The following HECW1 variants were observed in gnomAD, a reference collection of about 807,000 sequenced individuals.
HECW1 encodes the protein E3 ubiquitin-protein ligase HECW1.
In HECW1, 61 loss-of-function variants were observed where a neutral mutation model predicts 182.3. That is an observed-to-expected ratio of 0.33 (90% CI 0.27 to 0.41). The LOEUF (loss-of-function observed/expected upper bound fraction) is 0.41, where lower values mean the gene tolerates loss of function less well. Among genes scored for constraint, HECW1 ranks in the 10% least tolerant of loss-of-function variants. The pLI is 1.00. For missense variants in HECW1, 1,739 were observed against 2,108.9 expected, an observed-to-expected ratio of 0.82 and a Z score of 3.44; for synonymous variants, 859 against 832.6, an observed-to-expected ratio of 1.03 and a Z score of -0.55.
chr7:43,242,732 A>G (rs4304246), intron 2 of HECW1, among the ~76,000 whole-genome samples: 61,222 of 151,892 alleles, frequency 0.4, 15,076 homozygotes, highest in African/African-American at 0.7. Flanking sequence ...TTCTCCAAGG[A>G]GGAAGGCAGT....
chr7:43,461,262 C>T (rs1322001034), intron 13 of HECW1, among the ~76,000 whole-genome samples: 1 of 152,214 alleles, frequency 6.6e-6, no homozygotes, highest in African/African-American at 2.4e-5. Context: ...GTGGGCTGGG[C>T]CTCTCAGCCA....
chr7:43,342,430 T>C (rs1426102781), intron 5 of HECW1, among the ~76,000 whole-genome samples: 2 of 151,780 alleles, frequency 1.3e-5, no homozygotes, highest in East Asian at 3.8e-4. Context: ...GACTCAAGGT[T>C]TTATACAATT....
chr7:43,522,390 C>T (rs1462269245), intron 24 of HECW1: 1 of 152,106 alleles, frequency 6.6e-6, no homozygotes, highest in Non-Finnish European at 1.5e-5. Context: ...AGAGAATCTC[C>T]CAGATGCTGT....
chr7:43,304,741 G>A (rs868011910), intron 3 of HECW1, among the ~76,000 whole-genome samples: 1 of 152,116 alleles, frequency 6.6e-6, no homozygotes, highest in Non-Finnish European at 1.5e-5. Context: ...TGATATGCCC[G>A]CCTTGGCCTC....
chr7:43,469,357 G>C (rs1393700660), intron 16 of HECW1, among the ~76,000 whole-genome samples: 1 of 152,176 alleles, frequency 6.6e-6, no homozygotes, highest in Non-Finnish European at 1.5e-5. Context: ...GCCAACTGTT[G>C]TGACATTGCT....
At chr7:43,309,603 C>G (rs1808246161) in intron 3 of HECW1, among the ~76,000 whole-genome samples, 1 of 152,196 alleles carries the variant, frequency 6.6e-6, no homozygotes, top group Non-Finnish European at 1.5e-5. Flanking sequence ...TTATCTTAGG[C>G]TCTTCATCAT....
chr7:43,460,326 G>A (rs1371522999), intron 13 of HECW1, among the ~76,000 whole-genome samples: 4 of 152,178 alleles, frequency 2.6e-5, no homozygotes, highest in African/African-American at 4.8e-5. Context: ...GGTGCTCCTC[G>A]TATTTTGATG....
At chr7:43,240,416 A>T (rs930426409) in intron 2 of HECW1, among the ~76,000 whole-genome samples, 1 of 152,184 alleles carries the variant, frequency 6.6e-6, no homozygotes, top group Non-Finnish European at 1.5e-5. Context: ...AATGATCTTG[A>T]CCTCTTCCTC....
chr7:43,543,685 A>C (rs959328793), intron 26 of HECW1, among the ~76,000 whole-genome samples: 2 of 151,402 alleles, frequency 1.3e-5, no homozygotes, highest in East Asian at 3.9e-4. Context: ...AGGCTGAGAC[A>C]GGAGAATTGC....
chr7:43,371,108 C>T (rs919027154), intron 6 of HECW1, among the ~76,000 whole-genome samples: 8 of 152,000 alleles, frequency 5.3e-5, no homozygotes, highest in African/African-American at 1.2e-4. Flanking sequence ...AGGATGGTCT[C>T]GATCTCCTGA....
At chr7:43,294,694 T>G (rs866297039) in intron 3 of HECW1, among the ~76,000 whole-genome samples, 2 of 152,210 alleles carry the variant, frequency 1.3e-5, no homozygotes, top group Admixed American at 6.5e-5. Context: ...GTCAGGATTG[T>G]GCAGCAGGTG....
chr7:43,348,823 G>T (rs1018919640), intron 5 of HECW1, among the ~76,000 whole-genome samples: 11 of 152,066 alleles, frequency 7.2e-5, no homozygotes, highest in Admixed American at 5.2e-4. Flanking sequence ...TGGTTTTAAA[G>T]GTTCCTTTTG....
At chr7:43,322,115 G>C (rs1168545005) in intron 5 of HECW1, among the ~76,000 whole-genome samples, 1 of 152,180 alleles carries the variant, frequency 6.6e-6, no homozygotes, top group Non-Finnish European at 1.5e-5. Context: ...TGTTGCCCAG[G>C]CTGGAGTGCA....
chr7:43,565,212 G>A lies in HECW1; in HGVS notation c.*3286G>A, dbSNP rs1431570393. The A allele has an allele frequency of 5.0e-6, 1 of 201,882 alleles. No homozygotes were observed. The highest frequency in any genetic ancestry group is 7.6e-5 in the East Asian group (1 of 13,186). 12.5% of individuals were successfully genotyped at this position (201,882 alleles called of 1,614,324 possible). On this transcript the variant is annotated 3_prime_UTR_variant, in exon 30 of 30. Transcript: ENST00000395891. Reference sequence around the variant, plus strand: ...TACTGAACTCTTTGTAATTTCCTATGTATATAAATGAGTGGAGGTTGTGAA... The same window carrying A: ...TACTGAACTCTTTGTAATTTCCTATATATATAAATGAGTGGAGGTTGTGAA...
At chr7:43,559,496 G>A (rs370371148) in intron 29 of HECW1, among the ~76,000 whole-genome samples, 7 of 152,086 alleles carry the variant, frequency 4.6e-5, no homozygotes, top group South Asian at 2.1e-4. Flanking sequence ...GTTACAAAAC[G>A]CATTTATGTG....
chr7:43,290,563 A>T (rs747014352), intron 3 of HECW1, among the ~76,000 whole-genome samples: 8 of 152,186 alleles, frequency 5.3e-5, no homozygotes, highest in Non-Finnish European at 8.8e-5. Context: ...CCTTCTTGTC[A>T]TGGATGGGAA....
At chr7:43,352,012 C>T (rs1430141403) in intron 5 of HECW1, among the ~76,000 whole-genome samples, 1 of 152,096 alleles carries the variant, frequency 6.6e-6, no homozygotes, top group Admixed American at 6.5e-5. Flanking sequence ...AAGTTTTATC[C>T]CCTTAACCCG....
chr7:43,398,828 A>G (rs1370419213), intron 7 of HECW1, among the ~76,000 whole-genome samples: 2 of 152,146 alleles, frequency 1.3e-5, no homozygotes, highest in Non-Finnish European at 2.9e-5. Flanking sequence ...TTTGGTGAGT[A>G]GGGGCCAGTT....
intron 5 of HECW1, among the ~76,000 whole-genome samples, chr7:43,343,536 A>G (rs574974915): frequency 8.6e-5 from 13 of 151,644 alleles, no homozygotes; most frequent in Admixed American, 2.0e-4. Context: ...CTGTCCTTGC[A>G]ATAGTTTGCT....
Sources: allele counts gnomAD v4.1 joint callset (sites outside exome capture counted in the v4.1 genomes callset), GRCh38; gene constraint gnomAD v4.1.1; transcripts MANE v1.5; gene names NCBI Gene and HGNC (gene_info 2026-07-23, HGNC 2026-07-21).